The following FAM110B variants were observed in gnomAD, a reference collection of about 807,000 sequenced individuals.
The protein encoded by FAM110B is protein FAM110B.
In FAM110B, 6 loss-of-function variants were observed where a neutral mutation model predicts 20.4. The ratio of observed to expected loss-of-function variants is 0.29; its 90% CI spans 0.16 to 0.58. The LOEUF (loss-of-function observed/expected upper bound fraction) is 0.58. Ranked by LOEUF, FAM110B falls within the 20% of genes least tolerant of loss-of-function variation. The pLI, the probability that FAM110B is intolerant of heterozygous loss-of-function variation, is 0.90. For missense variants in FAM110B, 434 were observed against 498.2 expected (o/e 0.87, Z 1.23); for synonymous variants, 226 against 214.1 (o/e 1.06, Z -0.49).
chr8:58,046,858 A>G (rs1237707242), intron 2 of FAM110B, among the ~76,000 whole-genome samples: 1 of 152,184 alleles, frequency 6.6e-6, no homozygotes, highest in East Asian at 1.9e-4. Context: ...TGTAGTGACT[A>G]TAGTGCAGTT....
At chr8:58,070,442 A>G (rs2150590053) in intron 2 of FAM110B, 1 of 152,280 alleles carries the variant, frequency 6.6e-6, no homozygotes, top group Middle Eastern at 3.4e-3. Context: ...GAAATGAAGT[A>G]TGTTCATCGT....
Position 58,094,068 on chromosome 8 carries a change from G to A in FAM110B, c.-325+18445G>A, listed in dbSNP as rs201202537. 4.5e-3 allele frequency among the ~76,000 whole-genome samples: 690 copies of A among 152,184 alleles called. 2 individuals carry two copies. The highest frequency in any genetic ancestry group is 0.011 in the East Asian group (56 of 5,172). ...TCTGTTTGTCTATTATTGGTGTATA[G>A]GAATGCTTATGATTTTTACACATTG... On this transcript the variant is annotated intron_variant, in intron 3 of 3. Transcript: ENST00000519262.
chr8:58,051,105 T>C (rs961884052), intron 2 of FAM110B, among the ~76,000 whole-genome samples: 3 of 152,182 alleles, frequency 2.0e-5, no homozygotes, highest in African/African-American at 7.2e-5. Context: ...TGATTTCCAT[T>C]CATTGACCTG....
intron 3 of FAM110B, among the ~76,000 whole-genome samples, chr8:58,103,562 C>T (rs931037136): frequency 4.4e-4 from 67 of 152,282 alleles, no homozygotes; most frequent in African/African-American, 1.5e-3. Context: ...ACATATCAGT[C>T]AACCTTGATA....
chr8:58,037,912 C>T (rs753193628), intron 2 of FAM110B, among the ~76,000 whole-genome samples: 2 of 152,172 alleles, frequency 1.3e-5, no homozygotes, highest in Non-Finnish European at 1.5e-5. Context: ...ACAGTTAACG[C>T]TTCATCTCTG....
intron 3 of FAM110B, among the ~76,000 whole-genome samples, chr8:58,092,468 T>G (rs1305825198): frequency 2.0e-5 from 3 of 152,178 alleles, no homozygotes; most frequent in Non-Finnish European, 4.4e-5. Context: ...ATTGTTCAGC[T>G]CCCACTTCTA....
intron 3 of FAM110B, among the ~76,000 whole-genome samples, chr8:58,106,818 C>T (rs569085018): frequency 6.6e-6 from 1 of 152,216 alleles, no homozygotes. Flanking sequence ...TCAGACTACT[C>T]CTGATACATT....
chr8:58,062,307 G>A (rs1805673007), intron 2 of FAM110B, among the ~76,000 whole-genome samples: 1 of 152,178 alleles, frequency 6.6e-6, no homozygotes, highest in African/African-American at 2.4e-5. Context: ...AAAAGAAATT[G>A]GGGGTGATCG....
intron 1 of FAM110B, among the ~76,000 whole-genome samples, chr8:58,013,548 G>A (rs1804580639): frequency 6.6e-6 from 1 of 152,314 alleles, no homozygotes; most frequent in Middle Eastern, 3.4e-3. Context: ...TCAGCTTAAT[G>A]TGCAGTCCCA....
At chr8:58,011,285 C>T (rs1483034588) in intron 1 of FAM110B, among the ~76,000 whole-genome samples, 1 of 152,198 alleles carries the variant, frequency 6.6e-6, no homozygotes, top group Admixed American at 6.5e-5. Context: ...AGCTCCCTAA[C>T]AGTAGGAGTT....
chr8:58,045,725 A>G (rs932980264), intron 2 of FAM110B, among the ~76,000 whole-genome samples: 1 of 152,218 alleles, frequency 6.6e-6, no homozygotes, highest in African/African-American at 2.4e-5. Flanking sequence ...GAGGATTTTC[A>G]TCTTATGAAA....
At chr8:58,097,937 G>A (rs1308807037) in intron 3 of FAM110B, among the ~76,000 whole-genome samples, 1 of 152,198 alleles carries the variant, frequency 6.6e-6, no homozygotes, top group Admixed American at 6.5e-5. Context: ...TGGAAGCTTT[G>A]TCCCAGAGGG....
chr8:58,107,913 T>C (rs567968467), intron 3 of FAM110B, among the ~76,000 whole-genome samples: 2 of 152,356 alleles, frequency 1.3e-5, no homozygotes, highest in Admixed American at 6.5e-5. Context: ...GTCCAGGGAA[T>C]GAAGCTGATT....
intron 3 of FAM110B, among the ~76,000 whole-genome samples, chr8:58,124,828 C>T (rs1403948618): frequency 1.3e-5 from 2 of 152,172 alleles, no homozygotes; most frequent in East Asian, 3.9e-4. Context: ...ATCTCTGACT[C>T]TAGTTCCTCT....
intron 1 of FAM110B, among the ~76,000 whole-genome samples, chr8:58,006,915 A>ATTTT (rs1172512238): frequency 1.1e-5 from 1 of 94,480 alleles, no homozygotes; most frequent in East Asian, 4.9e-4. Context: ...ATATATATAT[A>ATTTT]TATATATATT....
intron 3 of FAM110B, among the ~76,000 whole-genome samples, chr8:58,099,632 A>G (rs558830776): frequency 6.6e-6 from 1 of 152,336 alleles, no homozygotes; most frequent in South Asian, 2.1e-4. Context: ...GTACTCTCAT[A>G]TAGCACATTA....
chr8:58,048,362 CTGA>C (rs1805372648), intron 2 of FAM110B, among the ~76,000 whole-genome samples: 1 of 152,104 alleles, frequency 6.6e-6, no homozygotes, highest in African/African-American at 2.4e-5. Flanking sequence ...TCCTTACCTG[CTGA>C]TACCTGACAC....
intron 1 of FAM110B, among the ~76,000 whole-genome samples, chr8:58,017,366 G>T (rs539058426): frequency 2.7e-4 from 41 of 152,290 alleles, no homozygotes; most frequent in African/African-American, 8.9e-4. Flanking sequence ...CCTGAAAGTC[G>T]AGTTAAGATG....
rs754972678 is a variant in FAM110B at position 58,011,365 on chromosome 8, C to T, written c.-512+16559C>T. ...CTGACTGGATAGAGCGCTGGCCTTT[C>T]GAGCATCCTTTTCTAATAAGCAACT... On this transcript the variant is annotated intron_variant, in intron 1 of 3. Transcript: ENST00000519262. Among the ~76,000 whole-genome samples, 22 of 152,258 alleles carry T rather than the reference C, an allele frequency of 1.4e-4. 1 individual carries two copies. Among genetic ancestry groups the T allele is most frequent in the Middle Eastern group, 6.8e-3 (2 of 294 alleles).
Sources: allele counts gnomAD v4.1 joint callset (sites outside exome capture counted in the v4.1 genomes callset), GRCh38; gene constraint gnomAD v4.1.1; transcripts MANE v1.5; gene names NCBI Gene and HGNC (gene_info 2026-07-23, HGNC 2026-07-21).